MYOM2: variants seen among roughly 807,000 people sequenced by gnomAD.
The protein encoded by MYOM2 is myomesin 2.
Under a neutral mutation model 187.6 loss-of-function variants are expected in MYOM2, and 254 were observed. The observed-to-expected ratio is 1.35, with a 90% CI of 1.22 to 1.50. MYOM2 has a LOEUF of 1.50. MYOM2 is among the 40% of genes most tolerant of loss of function. The pLI, the probability that MYOM2 is intolerant of heterozygous loss-of-function variation, is 0.00. For synonymous variants in MYOM2, 981 were observed against 753.8 expected, an observed-to-expected ratio of 1.30 and a Z score of -4.94; for missense variants, 2,796 against 1,924.0, an observed-to-expected ratio of 1.45 and a Z score of -8.48.
At chr8:2,048,624 C>T (rs915587203) in intron 1 of MYOM2, among the ~76,000 whole-genome samples, 1 of 152,172 alleles carries the variant, frequency 6.6e-6, no homozygotes, top group Non-Finnish European at 1.5e-5. Context: ...GAGCTAGAAG[C>T]TACCCCAGGC....
intron 6 of MYOM2, among the ~76,000 whole-genome samples, chr8:2,067,712 T>G (rs1819063250): frequency 1.3e-5 from 2 of 151,632 alleles, no homozygotes; most frequent in South Asian, 4.2e-4. Context: ...CCACAGGTAC[T>G]TGGGTTTTGT....
intron 3 of MYOM2, among the ~76,000 whole-genome samples, chr8:2,054,932 A>C (rs943316012): frequency 7.9e-6 from 1 of 126,762 alleles, no homozygotes; most frequent in African/African-American, 2.6e-5. Flanking sequence ...AAGTACCTGG[A>C]TAATGGGGGA....
At chr8:2,085,228 T>C (rs539689970) in intron 13 of MYOM2, 35 bp from the exon 14 acceptor site, 1 of 1,603,392 alleles carries the variant, frequency 6.2e-7, no homozygotes, top group African/African-American at 1.3e-5. Context: ...CTGATGGGGG[T>C]CCTTCAGCAC....
chr8:2,102,829 A>G (rs1304514343), intron 21 of MYOM2, 48 bp downstream of exon 21: 21 of 1,450,562 alleles, frequency 1.4e-5, no homozygotes, highest in East Asian at 2.3e-5. Flanking sequence ...TTGTGGGGAG[A>G]GTGTGCATGT....
chr8:2,086,857 T>TGGCC lies in MYOM2; in HGVS notation c.1644+1468_1644+1471dup, dbSNP rs1228452155. The stretch of plus-strand genomic sequence containing the variant: ...TGGCCATGCTTGTGCACAAGCCGTA[T>TGGCC]GGCCACTGGGTGGCAATCGTGTAGA... On this transcript the variant is annotated intron_variant, in intron 14 of 36. Transcript: ENST00000262113. Among the ~76,000 whole-genome samples the TGGCC allele has an allele frequency of 2.0e-5, 3 of 152,260 alleles. No homozygotes were observed. The East Asian group carries it at 5.8e-4, about 29-fold the overall frequency.
chr8:2,073,648 C>T, intron 10 of MYOM2, 148 bp downstream of exon 10: 1 of 938,664 alleles, frequency 1.1e-6, no homozygotes, highest in Non-Finnish European at 1.5e-6. Context: ...CCCGATTTTC[C>T]CTCAGTGCAT....
chr8:2,088,102 C>T (rs558489211), intron 14 of MYOM2, among the ~76,000 whole-genome samples: 192 of 152,070 alleles, frequency 1.3e-3, no homozygotes, highest in African/African-American at 4.5e-3. Flanking sequence ...TATTTGGTTA[C>T]ATGAGTAAGC....
At chr8:2,056,243 T>C (rs1427328856) in intron 3 of MYOM2, among the ~76,000 whole-genome samples, 1 of 151,894 alleles carries the variant, frequency 6.6e-6, no homozygotes, top group African/African-American at 2.4e-5. Flanking sequence ...GCATCTGAGA[T>C]GGGTGTTGGA....
At chr8:2,049,703 T>C (rs1312717193) in intron 1 of MYOM2, among the ~76,000 whole-genome samples, 1 of 152,198 alleles carries the variant, frequency 6.6e-6, no homozygotes, top group Non-Finnish European at 1.5e-5. Flanking sequence ...TTTTGCACCT[T>C]GTTTGGGAAA....
At chr8:2,087,193 G>A (rs1796122441) in intron 14 of MYOM2, among the ~76,000 whole-genome samples, 1 of 152,154 alleles carries the variant, frequency 6.6e-6, no homozygotes, top group African/African-American at 2.4e-5. Context: ...TGTAACTAGG[G>A]TTTTGCGATA....
rs534055183 is a variant in MYOM2 at position 2,143,669 on chromosome 8, C to T, written c.4080+213C>T. Among the ~76,000 whole-genome samples, 133 of 152,254 alleles carry T rather than the reference C, an allele frequency of 8.7e-4. 5 individuals are homozygous for T. The South Asian group carries it at 0.025, about 29-fold the overall frequency. On this transcript the variant is annotated intron_variant, in intron 36 of 36. Coordinates refer to ENST00000262113, the MANE Select transcript of MYOM2 (RefSeq NM_003970.4). ...CAAAGGAAGGAATCACATAACATTC[C>T]GAATCCACAAACCTGTGTTCAGAGG...
chr8:2,071,925 C>G (rs148362492), intron 8 of MYOM2, among the ~76,000 whole-genome samples: 1 of 152,164 alleles, frequency 6.6e-6, no homozygotes, highest in African/African-American at 2.4e-5. Flanking sequence ...CCCACTCTCA[C>G]GATCTCATCC....
chr8:2,136,937 C>A (rs1421125425), intron 32 of MYOM2, among the ~76,000 whole-genome samples: 2 of 152,096 alleles, frequency 1.3e-5, no homozygotes, highest in African/African-American at 4.8e-5. Flanking sequence ...TGAATTTCAC[C>A]TGTTGGACAA....
chr8:2,100,081 CTTCT>C (rs752240178), intron 19 of MYOM2, among the ~76,000 whole-genome samples: 1 of 75,044 alleles, frequency 1.3e-5, no homozygotes, highest in Non-Finnish European at 2.5e-5. Context: ...TCCTTCCTTT[CTTCT>C]TTCCTTCCTT....
At chr8:2,092,215 C>G in intron 15 of MYOM2, 131 bp from the exon 16 acceptor site, 1 of 1,086,170 alleles carries the variant, frequency 9.2e-7, no homozygotes, top group East Asian at 2.4e-5. Context: ...ACTCCTGGAC[C>G]CCTTGTCTGA....
intron 24 of MYOM2, among the ~76,000 whole-genome samples, 170 bp downstream of exon 24, chr8:2,109,000 T>C (rs952247582): frequency 3.3e-5 from 5 of 152,220 alleles, no homozygotes; most frequent in African/African-American, 9.7e-5. Context: ...TTAGCTTATA[T>C]TATAGCTTGT....
rs1230548701 is a variant in MYOM2 at position 2,096,351 on chromosome 8, G to A, written c.2230G>A (p.Gly744Ser). ...PKFSGGSPILGYYLDKREVHH... is the reference protein window; with the variant it reads ...PKFSGGSPILSYYLDKREVHH... Reference sequence around the variant, plus strand: ...ATTCAGTGGTGGCTCGCCCATCCTGGGCTACTACCTGGACAAGCGTGAAGT... The same window carrying A: ...ATTCAGTGGTGGCTCGCCCATCCTGAGCTACTACCTGGACAAGCGTGAAGT... The change falls in exon 18 of 37, where the codon GGC becomes AGC. Residue 744 changes from glycine to serine, a missense_variant. Physicochemically the swap from Gly to Ser is moderately conservative, Grantham distance 56. Transcript: ENST00000262113. 9.3e-6 allele frequency: 15 copies of A among 1,614,202 alleles called. 1 individual carries two copies. Among genetic ancestry groups the A allele is most frequent in the Non-Finnish European group, 1.2e-5 (14 of 1,180,042 alleles).
intron 8 of MYOM2, among the ~76,000 whole-genome samples, chr8:2,070,300 A>G (rs532701453): frequency 2.0e-5 from 3 of 152,372 alleles, no homozygotes; most frequent in African/African-American, 7.2e-5. Flanking sequence ...GCTCTGGGCC[A>G]CGTGCTGGGA....
chr8:2,094,132 A>T (rs1200579999), intron 17 of MYOM2, 41 bp downstream of exon 17: 1 of 1,607,880 alleles, frequency 6.2e-7, no homozygotes, highest in East Asian at 2.2e-5. Context: ...TTGCTCCCAT[A>T]CACTGTCATT....
Sources: allele counts gnomAD v4.1 joint callset (sites outside exome capture counted in the v4.1 genomes callset), GRCh38; gene constraint gnomAD v4.1.1; transcripts MANE v1.5; gene names NCBI Gene and HGNC (gene_info 2026-07-23, HGNC 2026-07-21).